DNAJC24: variants seen among roughly 807,000 people sequenced by gnomAD.
DNAJC24 encodes the protein dnaJ homolog subfamily C member 24.
DNAJC24 carries 17 observed loss-of-function variants against 18.0 expected under a neutral mutation model. The observed-to-expected ratio is 0.94, with a 90% confidence interval of 0.65 to 1.42. The LOEUF (loss-of-function observed/expected upper bound fraction) is 1.42, where lower values mean the gene tolerates loss of function less well. Among genes scored for constraint, DNAJC24 ranks in the 40% most tolerant of loss-of-function variants. The pLI is 0.00. For synonymous variants in DNAJC24, 55 were observed against 57.7 expected (o/e 0.95, Z 0.21); for missense variants, 158 against 175.6 (o/e 0.90, Z 0.57).
chr11:31,414,786 C>T (rs1164183230), intron 2 of DNAJC24, 25 bp from the exon 3 acceptor site: 5 of 1,609,326 alleles, frequency 3.1e-6, no homozygotes, highest in African/African-American at 2.7e-5. Flanking sequence ...TACTCACCCC[C>T]TGCACCCTTC....
intron 2 of DNAJC24, among the ~76,000 whole-genome samples, chr11:31,406,350 G>A (rs1225590162): frequency 6.6e-6 from 1 of 152,156 alleles, no homozygotes. Flanking sequence ...CCTCCTGTAT[G>A]TTGCTGACTA....
chr11:31,403,226 T>C (rs1373492455), intron 2 of DNAJC24, among the ~76,000 whole-genome samples: 6 of 151,878 alleles, frequency 4.0e-5, no homozygotes, highest in African/African-American at 1.5e-4. Flanking sequence ...GAACTGAACT[T>C]GGGTCTGCCC....
chr11:31,398,022 C>T (rs562684633), intron 2 of DNAJC24, among the ~76,000 whole-genome samples: 12 of 151,968 alleles, frequency 7.9e-5, no homozygotes, highest in African/African-American at 2.4e-4. Flanking sequence ...AGGCTGGTCT[C>T]GAACTCTTGA....
intron 4 of DNAJC24, among the ~76,000 whole-genome samples, chr11:31,429,131 C>A (rs1952893226): frequency 6.6e-6 from 1 of 150,684 alleles, no homozygotes; most frequent in Admixed American, 6.6e-5. Flanking sequence ...ATTTGGAATT[C>A]AAGATTAAAT....
At chr11:31,394,964 T>G (rs1444963581) in intron 2 of DNAJC24, among the ~76,000 whole-genome samples, 1 of 152,180 alleles carries the variant, frequency 6.6e-6, no homozygotes, top group Non-Finnish European at 1.5e-5. Flanking sequence ...ATGTATAGAT[T>G]ATTTTGTCAC....
chr11:31,418,012 A>G (rs1735793523), intron 3 of DNAJC24, among the ~76,000 whole-genome samples: 1 of 152,164 alleles, frequency 6.6e-6, no homozygotes, highest in African/African-American at 2.4e-5. Context: ...TGCTTAGTTG[A>G]CATTTTAGAG....
At position 31,432,785 on chromosome 11, in the gene DNAJC24, T is replaced by C. The variant is rs1440512656; in HGVS notation, c.*2384T>C. ...TCCAAAGTTTGGGACATTCAAACAA[T>C]GTACATGAAATTATATGTGTGTGGT... On this transcript the variant is annotated 3_prime_UTR_variant, in exon 5 of 5. Transcript: ENST00000465995. 1.3e-5 allele frequency among the ~76,000 whole-genome samples: 2 copies of C among 152,202 alleles called. No individual in the cohort carries two copies. The highest frequency in any genetic ancestry group is 4.8e-5 in the African/African-American group (2 of 41,460).
At chr11:31,398,834 A>G (rs1025254788) in intron 2 of DNAJC24, among the ~76,000 whole-genome samples, 1 of 152,196 alleles carries the variant, frequency 6.6e-6, no homozygotes, top group African/African-American at 2.4e-5. Context: ...TAGGATCTGT[A>G]TGTGTACATC....
chr11:31,426,358 T>TG lies in DNAJC24; in HGVS notation c.319+5dup. The TG allele has an allele frequency of 6.6e-7, 1 of 1,514,562 alleles. No individual in the cohort carries two copies. Among genetic ancestry groups the TG allele is most frequent in the Non-Finnish European group, 8.8e-7 (1 of 1,134,032 alleles). The allele number at this position is 1,514,562 out of a possible 1,614,324, so 93.8% of individuals were successfully genotyped here. On this transcript the variant is annotated splice_donor_region_variant and intron_variant, in intron 4 of 4. Transcript: ENST00000465995. ...TGAAGAAATGTCTTGGAATGAAGGTTGGATTTTTTTTTTCTCTTGACAACA... is the reference window on the plus strand; with the variant it reads ...TGAAGAAATGTCTTGGAATGAAGGTTGGGATTTTTTTTTTCTCTTGACAACA...
intron 2 of DNAJC24, among the ~76,000 whole-genome samples, chr11:31,414,538 A>G (rs1048822877): frequency 1.3e-5 from 2 of 152,160 alleles, no homozygotes; most frequent in East Asian, 1.9e-4. Flanking sequence ...TAAACTGTCC[A>G]TGAGACCAAG....
At chr11:31,414,490 C>T (rs1256866238) in intron 2 of DNAJC24, among the ~76,000 whole-genome samples, 2 of 152,174 alleles carry the variant, frequency 1.3e-5, no homozygotes, top group African/African-American at 4.8e-5. Context: ...CTTGTCTGCA[C>T]GTACCTATTT....
In DNAJC24 at chr11:31,412,307, A is replaced by G. The variant is rs539518193; in HGVS notation, c.112-2504A>G. Among the ~76,000 whole-genome samples the G allele has an allele frequency of 1.1e-4, 17 of 152,070 alleles. 1 individual carries two copies. Among genetic ancestry groups the G allele is most frequent in the Non-Finnish European group, 2.2e-4 (15 of 68,026 alleles). On this transcript the variant is annotated intron_variant, in intron 2 of 4. Transcript: ENST00000465995. ...CCCATGACAAATTACCTACCTTTTGATCTTTACTCCTACTTTATAGATACA... is the reference window on the plus strand; with the variant it reads ...CCCATGACAAATTACCTACCTTTTGGTCTTTACTCCTACTTTATAGATACA...
intron 2 of DNAJC24, among the ~76,000 whole-genome samples, chr11:31,379,924 AT>A (rs1056031717): frequency 6.6e-6 from 1 of 150,596 alleles, no homozygotes; most frequent in Non-Finnish European, 1.5e-5. Context: ...CACTCAGCTA[AT>A]TTTTTTTTCT....
At chr11:31,402,848 A>C (rs2133486966) in intron 2 of DNAJC24, among the ~76,000 whole-genome samples, 1 of 152,028 alleles carries the variant, frequency 6.6e-6, no homozygotes, top group East Asian at 1.9e-4. Context: ...AGTTTACAAC[A>C]GCATTTCTAC....
chr11:31,374,200 T>C lies in DNAJC24; in HGVS notation c.111+3341T>C, dbSNP rs1202806765. The C allele has an allele frequency of 2.3e-5, 8 of 353,014 alleles. 1 individual carries two copies. The highest frequency in any genetic ancestry group is 1.7e-4 in the African/African-American group (8 of 48,212). The allele number at this position is 353,014 out of a possible 1,614,324, so 21.9% of individuals were successfully genotyped here. A position where few individuals can be genotyped will look rare whatever the true frequency, so the allele number is the denominator to read the frequency against. ...TTTTAAGAGGAAAACCTTCAATGTT[T>C]TACCAGTAAGTATGCTGTTAGGTGT... On this transcript the variant is annotated intron_variant, in intron 2 of 4. Transcript: ENST00000465995.
intron 3 of DNAJC24, 146 bp downstream of exon 3, chr11:31,415,095 C>T: frequency 1.2e-6 from 1 of 851,836 alleles, no homozygotes; most frequent in Non-Finnish European, 1.7e-6. Flanking sequence ...TTTAATTATG[C>T]CCTATTCTTA....
chr11:31,402,629 C>T (rs985508202), intron 2 of DNAJC24, among the ~76,000 whole-genome samples: 2 of 152,080 alleles, frequency 1.3e-5, no homozygotes, highest in Non-Finnish European at 2.9e-5. Context: ...CCACCTCAGC[C>T]TCTTGGGTAG....
At chr11:31,384,165 C>T (rs1952405702) in intron 2 of DNAJC24, among the ~76,000 whole-genome samples, 1 of 152,188 alleles carries the variant, frequency 6.6e-6, no homozygotes, top group Admixed American at 6.5e-5. Context: ...AAGAAGCCCT[C>T]TTCTCATTTC....
intron 2 of DNAJC24, among the ~76,000 whole-genome samples, chr11:31,390,668 T>G (rs1465488203): frequency 7.0e-6 from 1 of 143,690 alleles, no homozygotes; most frequent in Admixed American, 7.2e-5. Flanking sequence ...ATCGCACCAC[T>G]GCACTCCAGC....
Sources: allele counts gnomAD v4.1 joint callset (sites outside exome capture counted in the v4.1 genomes callset), GRCh38; gene constraint gnomAD v4.1.1; transcripts MANE v1.5; gene names NCBI Gene and HGNC (gene_info 2026-07-23, HGNC 2026-07-21).